The following SYN2 variants were observed in gnomAD, a reference collection of about 807,000 sequenced individuals.
The protein encoded by SYN2 is synapsin-2.
SYN2 carries 19 observed loss-of-function variants against 50.9 expected under a neutral mutation model. That is an observed-to-expected ratio of 0.37 (90% CI 0.26 to 0.55). The LOEUF (loss-of-function observed/expected upper bound fraction) is 0.55, where lower values mean the gene tolerates loss of function less well. Ranked by LOEUF, SYN2 falls within the 20% of genes least tolerant of loss-of-function variation. SYN2 has a pLI of 0.81. For synonymous variants in SYN2, 255 were observed against 224.9 expected, an observed-to-expected ratio of 1.13 and a Z score of -1.20; for missense variants, 587 against 576.4, an observed-to-expected ratio of 1.02 and a Z score of -0.19.
chr3:12,084,870 C>G (rs1382735807), intron 1 of SYN2, among the ~76,000 whole-genome samples: 2 of 151,612 alleles, frequency 1.3e-5, no homozygotes. Flanking sequence ...AACCATGAGG[C>G]AAAAACCCCT....
chr3:12,057,439 A>G (rs1695019074), intron 1 of SYN2, among the ~76,000 whole-genome samples: 1 of 152,182 alleles, frequency 6.6e-6, no homozygotes, highest in African/African-American at 2.4e-5. Context: ...GAGAAGTCCT[A>G]GAACAATCTT....
chr3:12,173,897 G>A (rs1056267935), intron 10 of SYN2, among the ~76,000 whole-genome samples: 3 of 152,182 alleles, frequency 2.0e-5, no homozygotes, highest in African/African-American at 7.2e-5. Flanking sequence ...GACAGAGCAG[G>A]ACTGTGTCTC....
chr3:12,138,337 A>T (rs549670517), intron 1 of SYN2, among the ~76,000 whole-genome samples: 19 of 152,202 alleles, frequency 1.2e-4, no homozygotes, highest in Non-Finnish European at 2.5e-4. Flanking sequence ...GGATAGCTAG[A>T]GAGGTGGGGG....
chr3:12,123,040 A>G (rs1045735548), intron 1 of SYN2, among the ~76,000 whole-genome samples: 1 of 152,220 alleles, frequency 6.6e-6, no homozygotes, highest in African/African-American at 2.4e-5. Flanking sequence ...TAAAGCTGAA[A>G]TTACCCATGA....
At chr3:12,032,967 G>A (rs1176534489) in intron 1 of SYN2, among the ~76,000 whole-genome samples, 77 of 112,040 alleles carry the variant, frequency 6.9e-4, no homozygotes, top group East Asian at 2.0e-3. Flanking sequence ...CTGCGTTTTA[G>A]AGTTTCCAGT....
At chr3:12,163,132 C>T (rs1234075569) in intron 7 of SYN2, among the ~76,000 whole-genome samples, 1 of 151,408 alleles carries the variant, frequency 6.6e-6, no homozygotes, top group Non-Finnish European at 1.5e-5. Flanking sequence ...GTCCCAGCTA[C>T]TCAGGAGGCT....
intron 1 of SYN2, among the ~76,000 whole-genome samples, chr3:12,047,876 A>G (rs1437062547): frequency 6.6e-6 from 1 of 152,200 alleles, no homozygotes; most frequent in Non-Finnish European, 1.5e-5. Flanking sequence ...AAAGCATTTA[A>G]CCTGTTTTTT....
chr3:12,109,850 T>C (rs1696275826), intron 1 of SYN2, among the ~76,000 whole-genome samples: 1 of 152,194 alleles, frequency 6.6e-6, no homozygotes, highest in Non-Finnish European at 1.5e-5. Flanking sequence ...AAAAGCTAAG[T>C]AACCTAAGAC....
intron 5 of SYN2, among the ~76,000 whole-genome samples, chr3:12,152,304 A>G (rs1225727738): frequency 6.6e-6 from 1 of 152,148 alleles, no homozygotes; most frequent in Non-Finnish European, 1.5e-5. Flanking sequence ...GAAGCTCTGA[A>G]ACTCTAAGCT....
chr3:12,006,285 G>C (rs1011529795), intron 1 of SYN2, among the ~76,000 whole-genome samples: 7 of 152,184 alleles, frequency 4.6e-5, no homozygotes, highest in Non-Finnish European at 8.8e-5. Flanking sequence ...CTTTTCAAGA[G>C]AGTAGAGTAG....
chr3:12,091,955 T>C (rs921885313), intron 1 of SYN2, among the ~76,000 whole-genome samples: 2 of 152,206 alleles, frequency 1.3e-5, no homozygotes, highest in Non-Finnish European at 2.9e-5. Context: ...TTTGGCCAAC[T>C]GACAAAATAA....
chr3:12,074,492 T>C (rs990513094), intron 1 of SYN2, among the ~76,000 whole-genome samples: 3 of 152,228 alleles, frequency 2.0e-5, no homozygotes, highest in African/African-American at 7.2e-5. Context: ...GTGAATACTC[T>C]TAAAATTTTA....
chr3:12,120,585 C>G (rs1696533945), intron 1 of SYN2, among the ~76,000 whole-genome samples: 1 of 152,300 alleles, frequency 6.6e-6, no homozygotes, highest in South Asian at 2.1e-4. Flanking sequence ...CAGAGAAAGC[C>G]AAATGCCATG....
chr3:12,180,235 C>T lies in SYN2; in HGVS notation c.1309-3077C>T, dbSNP rs562224093. 4.5e-3 allele frequency among the ~76,000 whole-genome samples: 603 copies of T among 134,800 alleles called. 2 individuals carry two copies. Among genetic ancestry groups the T allele is most frequent in the Middle Eastern group, 0.023 (6 of 260 alleles). 88.4% of individuals were successfully genotyped at this position (134,800 alleles called of 152,430 possible). A position where few individuals can be genotyped will look rare whatever the true frequency, so the allele number is the denominator to read the frequency against. ...CAGTGTTGGGATTACAGGCGTGAGCCGCACCCAGCTGGGTTTTTTTTTTTT... is the reference window on the plus strand; with the variant it reads ...CAGTGTTGGGATTACAGGCGTGAGCTGCACCCAGCTGGGTTTTTTTTTTTT... On this transcript the variant is annotated intron_variant, in intron 10 of 12. Transcript: ENST00000621198.
At chr3:12,102,296 C>G (rs1696094301) in intron 1 of SYN2, among the ~76,000 whole-genome samples, 4 of 152,078 alleles carry the variant, frequency 2.6e-5, no homozygotes, top group Admixed American at 6.6e-5. Context: ...ATTCTTAGGT[C>G]TCTTAAGAAT....
chr3:12,061,032 G>A (rs547276967), intron 1 of SYN2, among the ~76,000 whole-genome samples: 78 of 152,146 alleles, frequency 5.1e-4, no homozygotes, highest in Non-Finnish European at 9.3e-4. Context: ...TGTAAGCAGA[G>A]AGATGGAAAC....
At chr3:12,093,754 CT>C (rs1376313997) in intron 1 of SYN2, among the ~76,000 whole-genome samples, 1 of 152,130 alleles carries the variant, frequency 6.6e-6, no homozygotes, top group African/African-American at 2.4e-5. Context: ...TATCCTTACT[CT>C]ATATCCTAAC....
intron 1 of SYN2, among the ~76,000 whole-genome samples, chr3:12,095,716 A>G (rs1188143366): frequency 3.4e-5 from 5 of 148,826 alleles, no homozygotes; most frequent in Admixed American, 6.7e-5. Flanking sequence ...GTATCTTTTC[A>G]TCATCATTCC....
rs951194446 is a variant in SYN2, at chr3:12,019,302, T to C, written c.377+14374T>C. Among the ~76,000 whole-genome samples, 5 of 152,298 alleles carry C rather than the reference T, an allele frequency of 3.3e-5. No homozygotes were observed. In the East Asian group the frequency reaches 9.7e-4, roughly 29 times the overall value. ...GTTGGCATCCCTATTTCCTAGCCCT[T>C]AGTATTCAGTAGAGTGAGCCCGTGA... On this transcript the variant is annotated intron_variant, in intron 1 of 12. Coordinates refer to ENST00000621198, the MANE Select transcript of SYN2 (RefSeq NM_133625.6).
Sources: gnomAD v4.1 joint callset for allele counts (sites outside exome capture counted in the v4.1 genomes callset) on GRCh38, gnomAD v4.1.1 for gene constraint, MANE v1.5 for transcripts, NCBI Gene and HGNC (gene_info 2026-07-23, HGNC 2026-07-21) for gene names.